The following FOXK2 variants were observed in gnomAD, a reference collection of about 807,000 sequenced individuals.
The protein encoded by FOXK2 is forkhead box K2.
A neutral mutation model predicts 53.3 loss-of-function variants in FOXK2; 24 were observed. That is an observed-to-expected ratio of 0.45 (90% CI 0.33 to 0.63). FOXK2 has a LOEUF of 0.63. Among genes scored for constraint, FOXK2 ranks in the 30% least tolerant of loss-of-function variants. FOXK2 has a pLI of 0.03. For synonymous variants in FOXK2, 505 were observed against 407.1 expected (o/e 1.24, Z -2.89); for missense variants, 952 against 910.5 (o/e 1.05, Z -0.59).
chr17:82,584,172 T>C lies in FOXK2; in HGVS notation c.1263T>C (p.Phe421=). Residue 421 remains phenylalanine (F), a synonymous_variant, in exon 6 of 9, where the codon TTT becomes TTC. Transcript: ENST00000335255. ...TCGCTGTCATCCAGGAAGCCCGGTT[T>C]GCCCAGAGCGCCCCAGGTGAGACAG... ...PKLAVIQEAR[F]AQSAPGSPLS... is the part of the protein sequence containing the mutation. The C allele has an allele frequency of 6.2e-7, 1 of 1,604,310 alleles. No individual in the cohort carries two copies. The highest frequency in any genetic ancestry group is 1.1e-5 in the South Asian group (1 of 90,532).
chr17:82,526,975 G>A (rs7504089), intron 1 of FOXK2, among the ~76,000 whole-genome samples: 6,728 of 152,236 alleles, frequency 0.044, 210 homozygotes, highest in South Asian at 0.094. Flanking sequence ...AGAGCGGGTC[G>A]GAACGGAGCT....
intron 8 of FOXK2, chr17:82,593,637 G>A (rs2143160434): frequency 6.6e-6 from 1 of 152,438 alleles, no homozygotes; most frequent in East Asian, 1.9e-4. Flanking sequence ...AGGGAGCAGT[G>A]CATCGGCACA....
intron 1 of FOXK2, among the ~76,000 whole-genome samples, chr17:82,557,953 C>G (rs892069562): frequency 6.6e-6 from 1 of 152,184 alleles, no homozygotes; most frequent in Non-Finnish European, 1.5e-5. Context: ...GCGTCTGGCC[C>G]CTTTCCTCAT....
intron 2 of FOXK2, among the ~76,000 whole-genome samples, chr17:82,564,289 G>GT (rs1287843945): frequency 2.6e-5 from 4 of 151,962 alleles, no homozygotes; most frequent in Non-Finnish European, 5.9e-5. Context: ...GGATTTCACT[G>GT]TGTTGGCCAG....
At chr17:82,544,438 C>A (rs751211678) in intron 1 of FOXK2, among the ~76,000 whole-genome samples, 3 of 152,142 alleles carry the variant, frequency 2.0e-5, no homozygotes, top group Admixed American at 1.3e-4. Context: ...CACACACACA[C>A]GCCACCCAAA....
chr17:82,534,556 T>TTTA (rs1334367290), intron 1 of FOXK2, among the ~76,000 whole-genome samples: 7 of 152,192 alleles, frequency 4.6e-5, no homozygotes, highest in Non-Finnish European at 2.9e-5. Flanking sequence ...TCCTTCTTGC[T>TTTA]GAGAACTTTA....
At position 82,546,212 on chromosome 17, in the gene FOXK2, G is replaced by T. The variant is rs184629743; in HGVS notation, c.420-17142G>T. On this transcript the variant is annotated intron_variant, in intron 1 of 8. Coordinates refer to ENST00000335255, the MANE Select transcript of FOXK2 (RefSeq NM_004514.4). ...GCTCACAGCAACCTCCGCCTCCTGG[G>T]TTCAAACAATTCTCCTGCCTCAGCC... Among the ~76,000 whole-genome samples, 95 of 150,256 alleles carry T rather than the reference G, an allele frequency of 6.3e-4. 1 individual carries two copies. Among genetic ancestry groups the T allele is most frequent in the African/African-American group, 2.2e-3 (90 of 40,750 alleles).
intron 1 of FOXK2, among the ~76,000 whole-genome samples, chr17:82,555,987 A>ACATTTT (rs1237045058): frequency 6.6e-6 from 1 of 150,560 alleles, no homozygotes; most frequent in Non-Finnish European, 1.5e-5. Context: ...CATATGATCC[A>ACATTTT]CATTTTGCTC....
At chr17:82,569,988 C>A (rs537082624) in intron 3 of FOXK2, among the ~76,000 whole-genome samples, 1 of 152,084 alleles carries the variant, frequency 6.6e-6, no homozygotes, top group Non-Finnish European at 1.5e-5. Flanking sequence ...TTTGGGAGGC[C>A]AAGGTGGGCG....
chr17:82,524,979 G>A (rs1373238755), intron 1 of FOXK2, among the ~76,000 whole-genome samples: 1 of 122,176 alleles, frequency 8.2e-6, no homozygotes, highest in Non-Finnish European at 1.7e-5. Context: ...GGACAAGGTG[G>A]CTTTTTTTTT....
intron 4 of FOXK2, among the ~76,000 whole-genome samples, chr17:82,573,325 T>C (rs564023802): frequency 1.3e-5 from 2 of 152,082 alleles, no homozygotes; most frequent in South Asian, 2.1e-4. Context: ...CCACCCCCCA[T>C]ACCTGGAGTG....
chr17:82,570,957 C>T (rs1476637804), intron 3 of FOXK2, among the ~76,000 whole-genome samples: 21 of 152,162 alleles, frequency 1.4e-4, no homozygotes, highest in Admixed American at 1.4e-3. Context: ...TCTTCGTGGG[C>T]CAGGGGGCTC....
intron 1 of FOXK2, among the ~76,000 whole-genome samples, chr17:82,522,717 C>T (rs1049464226): frequency 1.3e-5 from 2 of 152,110 alleles, no homozygotes; most frequent in South Asian, 2.1e-4. Context: ...TCAGCCAGAA[C>T]GATTTGTATT....
At position 82,587,130 on chromosome 17, in the gene FOXK2, G is replaced by T. The variant is rs148594749; in HGVS notation, c.1644G>T (p.Thr548=). ...TLGTASRIIQ[T]AQTTPVQTVT... ...GCACTGCCAGCCGGATCATTCAGAC[G>T]GCACAGACCACCCCGGTCCAGACGG... Residue 548 remains threonine, a synonymous_variant, in exon 8 of 9, where the codon ACG becomes ACT. Transcript: ENST00000335255. The T allele has an allele frequency of 6.2e-7, 1 of 1,612,876 alleles. No individual in the cohort carries two copies. The highest frequency in any genetic ancestry group is 1.3e-5 in the African/African-American group (1 of 74,890).
intron 3 of FOXK2, 73 bp downstream of exon 3, chr17:82,568,274 C>T (rs1598216677): frequency 2.6e-6 from 4 of 1,551,910 alleles, no homozygotes; most frequent in East Asian, 4.5e-5. Flanking sequence ...TGTCACCTGC[C>T]TGTCACTCAC....
intron 3 of FOXK2, 107 bp downstream of exon 3, chr17:82,568,308 C>G: frequency 1.3e-5 from 17 of 1,359,158 alleles, no homozygotes; most frequent in Non-Finnish European, 1.7e-5. Flanking sequence ...GACAGCCCTG[C>G]CAGGGCATCG....
chr17:82,550,487 C>T (rs1409457453), intron 1 of FOXK2, among the ~76,000 whole-genome samples: 2 of 150,732 alleles, frequency 1.3e-5, no homozygotes, highest in Non-Finnish European at 2.9e-5. Flanking sequence ...CCATGCCTGG[C>T]CCTTCTGAGG....
At chr17:82,546,693 C>G (rs1432543631) in intron 1 of FOXK2, among the ~76,000 whole-genome samples, 1 of 152,020 alleles carries the variant, frequency 6.6e-6, no homozygotes, top group African/African-American at 2.4e-5. Flanking sequence ...GTCTTGAACT[C>G]CTGGGCTCAA....
chr17:82,533,461 G>T (rs1043843273), intron 1 of FOXK2, among the ~76,000 whole-genome samples: 1 of 151,732 alleles, frequency 6.6e-6, no homozygotes, highest in African/African-American at 2.4e-5. Context: ...CTGCACTCCA[G>T]CCTGGGTGAT....
Sources: gnomAD v4.1 joint callset for allele counts (sites outside exome capture counted in the v4.1 genomes callset) on GRCh38, gnomAD v4.1.1 for gene constraint, MANE v1.5 for transcripts, NCBI Gene and HGNC (gene_info 2026-07-23, HGNC 2026-07-21) for gene names.